The following KY variants were observed in gnomAD, a reference collection of about 807,000 sequenced individuals.
The protein encoded by KY is kyphoscoliosis peptidase.
In KY, 43 loss-of-function variants were observed where a neutral mutation model predicts 76.1. The ratio of observed to expected loss-of-function variants is 0.57; its 90% CI spans 0.44 to 0.73. KY has a LOEUF of 0.73. Among genes scored for constraint, KY ranks in the 30% least tolerant of loss-of-function variants. KY has a pLI of 0.00. For missense variants in KY, 722 were observed against 828.9 expected (o/e 0.87, Z 1.58); for synonymous variants, 277 against 326.2 (o/e 0.85, Z 1.63).
In KY at chr3:134,600,702, G is replaced by A. The variant is rs1341277026; in HGVS notation, c.*2877C>T. 6.6e-6 allele frequency: 1 copy of A among 152,230 alleles called. No homozygotes were observed. The highest frequency in any genetic ancestry group is 2.1e-4 in the South Asian group (1 of 4,834). 9.4% of individuals were successfully genotyped at this position (152,230 alleles called of 1,614,324 possible). ...TCGGTTCCAATCCTTCAATGGTATA[G>A]TAATGAGTGTAGTCACAGCTGTTCC... On this transcript the variant is annotated 3_prime_UTR_variant, in exon 11 of 11. Transcript: ENST00000423778.
At chr3:134,644,309 AG>A (rs1429095383) in intron 2 of KY, among the ~76,000 whole-genome samples, 1 of 152,202 alleles carries the variant, frequency 6.6e-6, no homozygotes, top group East Asian at 1.9e-4. Context: ...CTCAGAGCCT[AG>A]TGGGGTCAGG....
intron 2 of KY, among the ~76,000 whole-genome samples, chr3:134,646,955 AAG>A (rs1402717186): frequency 6.6e-6 from 1 of 152,180 alleles, no homozygotes; most frequent in Non-Finnish European, 1.5e-5. Context: ...CACTGGAAAA[AAG>A]AGGCTTTGGA....
chr3:134,608,491 C>T, intron 10 of KY, 158 bp downstream of exon 10: 1 of 1,546,768 alleles, frequency 6.5e-7, no homozygotes, highest in Non-Finnish European at 8.7e-7. Context: ...TCAGCAGCCT[C>T]CACTCATCCA....
intron 8 of KY, chr3:134,610,625 C>T: frequency 2.1e-6 from 1 of 467,238 alleles, no homozygotes; most frequent in Admixed American, 3.8e-5. Context: ...CCGCTGTCTG[C>T]TCCTCCCCTG....
rs1337919464 is a variant in KY at position 134,619,281 on chromosome 3, G to C, written c.593-16C>G. ...ATGTCATACTCTATAGGGCAGGTGA[G>C]GGGATCATGAAGAGCTTGAGCCTGG... is the stretch of plus-strand genomic sequence containing the variant. On this transcript the variant is annotated splice_polypyrimidine_tract_variant and intron_variant, in intron 7 of 10. Coordinates refer to ENST00000423778, the MANE Select transcript of KY (RefSeq NM_178554.6). The C allele has an allele frequency of 5.0e-6, 8 of 1,595,234 alleles. No homozygotes were observed. In the South Asian group the frequency reaches 8.8e-5, roughly 18 times the overall value.
Position 134,643,360 on chromosome 3 carries a change from T to C in KY, c.218A>G (p.Gln73Arg), listed in dbSNP as rs371986021. Residue 73 changes from glutamine (Q) to arginine (R), a missense_variant, in exon 3 of 11, where the codon CAG (glutamine) becomes CGG (arginine). By Grantham distance (43) the Gln-to-Arg change is conservative. Around this residue, in one of 2 missense-constraint regions of KY, gnomAD observed 170 missense variants for 148.1 expected, o/e 1.15. Transcript: ENST00000423778. ...NDFHENLVEKQHPQQPQVITS... is the reference protein window; with the variant it reads ...NDFHENLVEKRHPQQPQVITS... ...GATGACCTGGGGCTGCTGAGGGTGC[T>C]GCTTCTCCACCAAGTTTTCTATTTA... 57 of 1,613,968 alleles carry C rather than the reference T, an allele frequency of 3.5e-5. No individual in the cohort carries two copies. The African/African-American group carries it at 6.9e-4, about 20-fold the overall frequency.
chr3:134,622,578 C>A (rs1962824269), intron 6 of KY, among the ~76,000 whole-genome samples: 1 of 152,036 alleles, frequency 6.6e-6, no homozygotes, highest in African/African-American at 2.4e-5. Flanking sequence ...AATTTCATTG[C>A]TTAATGGGTA....
Position 134,608,974 on chromosome 3 carries a change from GACTC to G in KY, c.900-139_900-136del, listed in dbSNP as rs1959779159. On this transcript the variant is annotated intron_variant, in intron 9 of 10. Coordinates refer to ENST00000423778, the MANE Select transcript of KY (RefSeq NM_178554.6). ...CTCCGACCCTAACATGGGCACTGGA[GACTC>G]CTCCTCAGTGGATGCTTCCAGAAAT... 5 of 1,001,562 alleles carry G rather than the reference GACTC, an allele frequency of 5.0e-6. No homozygotes were observed. The African/African-American group carries it at 8.2e-5, about 16-fold the overall frequency. 62.0% of individuals were successfully genotyped at this position (1,001,562 alleles called of 1,614,324 possible).
intron 2 of KY, 111 bp downstream of exon 2, chr3:134,647,324 C>T (rs1049538277): frequency 2.3e-4 from 194 of 857,502 alleles, no homozygotes; most frequent in Non-Finnish European, 3.2e-4. Flanking sequence ...AGCCACTTTC[C>T]GTTCAGTGGT....
intron 5 of KY, among the ~76,000 whole-genome samples, chr3:134,625,531 G>A (rs1460387331): frequency 6.6e-6 from 1 of 152,240 alleles, no homozygotes; most frequent in East Asian, 1.9e-4. Context: ...GCTCTTTGGG[G>A]AGTGTCCAGG....
At position 134,620,798 on chromosome 3, in the gene KY, A is replaced by C. The variant is rs1962472294; in HGVS notation, c.543T>G (p.Thr181=). Residue 181 remains threonine, a synonymous_variant, in exon 7 of 11, where the codon ACT becomes ACG. Coordinates refer to ENST00000423778, the MANE Select transcript of KY (RefSeq NM_178554.6). ...AGATGGCGCGGACCCTTTCCAGGTC[A>C]GTGTGGGCCTCCTGGAGCAGGTCAC... ...LVSDLLQEAH[T]DLERVRAIWI... The C allele has an allele frequency of 6.2e-7, 1 of 1,613,648 alleles. No individual in the cohort carries two copies. The highest frequency in any genetic ancestry group is 8.5e-7 in the Non-Finnish European group (1 of 1,179,784).
At chr3:134,645,158 C>T (rs551364159) in intron 2 of KY, among the ~76,000 whole-genome samples, 3 of 152,312 alleles carry the variant, frequency 2.0e-5, no homozygotes, top group African/African-American at 7.2e-5. Flanking sequence ...AGACTTTGTC[C>T]AGGACCAAGG....
intron 3 of KY, among the ~76,000 whole-genome samples, chr3:134,638,707 C>A (rs1560136414): frequency 1.3e-5 from 2 of 152,252 alleles, no homozygotes; most frequent in Non-Finnish European, 2.9e-5. Context: ...CACATGCTTA[C>A]TGCCCTGCCT....
At position 134,600,448 on chromosome 3, in the gene KY, G is replaced by A. The variant is rs1420889253; in HGVS notation, c.*3131C>T. 6.6e-6 allele frequency among the ~76,000 whole-genome samples: 1 copy of A among 152,188 alleles called. No individual in the cohort carries two copies. Among genetic ancestry groups the A allele is most frequent in the Admixed American group, 6.5e-5 (1 of 15,286 alleles). On this transcript the variant is annotated 3_prime_UTR_variant, in exon 11 of 11. Coordinates refer to ENST00000423778, the MANE Select transcript of KY (RefSeq NM_178554.6). ...TTTAATCTTAGCAGGCAGTGAGGAG[G>A]CTGTCCTGGTAGGACAATGTAACAT...
chr3:134,634,759 G>A (rs961370200), intron 3 of KY, among the ~76,000 whole-genome samples: 5 of 152,172 alleles, frequency 3.3e-5, no homozygotes, highest in Non-Finnish European at 7.4e-5. Context: ...CATAGAGAGG[G>A]CCAACTTTTC....
chr3:134,603,788 G>A lies in KY; in HGVS notation c.1777C>T (p.Arg593Trp), dbSNP rs187345906. The change falls in exon 11 of 11, where the codon CGG becomes TGG. Residue 593 changes from arginine to tryptophan, a missense_variant. Physicochemically the swap from Arg to Trp is moderately radical, Grantham distance 101 (BLOSUM62 -3). This residue lies in a region of KY where 552 missense variants were observed against 680.9 expected (regional missense o/e 0.81). Coordinates refer to ENST00000423778, the MANE Select transcript of KY (RefSeq NM_178554.6). ...AGCTTCAATTTGAATGGGACATTCC[G>A]GTTGGCAGGAAGCACACCTGACAGA... ...EPLSGVLPAN[R>W]NVPFKLKLHG... 362 of 1,613,258 alleles carry A rather than the reference G, an allele frequency of 2.2e-4. 2 individuals are homozygous for A. The East Asian group carries it at 2.8e-3, about 13-fold the overall frequency.
chr3:134,628,315 C>T (rs1410634849), intron 4 of KY, among the ~76,000 whole-genome samples: 1 of 152,130 alleles, frequency 6.6e-6, no homozygotes. Context: ...CAACTGAATC[C>T]CATAAATCTA....
At chr3:134,625,653 G>A (rs899592793) in intron 5 of KY, among the ~76,000 whole-genome samples, 2 of 152,194 alleles carry the variant, frequency 1.3e-5, no homozygotes, top group East Asian at 1.9e-4. Flanking sequence ...TGGAAAGGCC[G>A]GGCCATCTGG....
chr3:134,607,404 AG>A, intron 10 of KY: 1 of 985,582 alleles, frequency 1.0e-6, no homozygotes, highest in Non-Finnish European at 1.2e-6. Flanking sequence ...GGAGCTCCCC[AG>A]GGGCTCTGGG....
Sources: allele counts gnomAD v4.1 joint callset (sites outside exome capture counted in the v4.1 genomes callset), GRCh38; gene constraint gnomAD v4.1.1; regional missense constraint gnomAD v4.1.1; transcripts MANE v1.5; gene names NCBI Gene and HGNC (gene_info 2026-07-23, HGNC 2026-07-21).